Variants in ZNF407 observed in about 807,000 individuals in gnomAD.
ZNF407 encodes the protein zinc finger protein 407.
In ZNF407, 17 loss-of-function variants were observed where a neutral mutation model predicts 131.2. The observed-to-expected ratio is 0.13, with a 90% confidence interval of 0.09 to 0.19. The LOEUF is 0.19. ZNF407 is among the 10% of genes least tolerant of loss of function. The pLI is 1.00. For missense variants in ZNF407, 2,681 were observed against 2,830.6 expected (o/e 0.95, Z 1.20); for synonymous variants, 1,156 against 1,062.0 (o/e 1.09, Z -1.72).
chr18:74,992,750 TCA>T (rs141495620), intron 8 of ZNF407, among the ~76,000 whole-genome samples: 4,468 of 152,304 alleles, frequency 0.029, 244 homozygotes, highest in African/African-American at 0.1. Flanking sequence ...CATAGAAGTC[TCA>T]CAGTGATTTT....
At chr18:74,941,611 G>T (rs981764237) in intron 8 of ZNF407, among the ~76,000 whole-genome samples, 26 of 152,308 alleles carry the variant, frequency 1.7e-4, no homozygotes, top group East Asian at 7.7e-4. Flanking sequence ...AATCAGAGTT[G>T]CTGAGAATGG....
intron 4 of ZNF407, among the ~76,000 whole-genome samples, chr18:74,823,183 G>C (rs1234880715): frequency 1.3e-5 from 2 of 152,156 alleles, no homozygotes; most frequent in Admixed American, 1.3e-4. Flanking sequence ...TCACCACCAG[G>C]GCTGCCTTAC....
intron 3 of ZNF407, among the ~76,000 whole-genome samples, chr18:74,750,608 G>A (rs535161105): frequency 5.9e-5 from 9 of 152,216 alleles, no homozygotes; most frequent in South Asian, 2.1e-4. Flanking sequence ...GTATTCACCC[G>A]TTCATCATTT....
chr18:74,783,793 T>C (rs11150939), intron 4 of ZNF407, among the ~76,000 whole-genome samples: 118,094 of 152,070 alleles, frequency 0.78, 46,188 homozygotes, highest in East Asian at 0.99. Context: ...TTTAAGTACT[T>C]CAAGCAGCAA....
chr18:74,714,590 T>C (rs1410312505), intron 3 of ZNF407, among the ~76,000 whole-genome samples: 1 of 152,268 alleles, frequency 6.6e-6, no homozygotes, highest in African/African-American at 2.4e-5. Context: ...GACTAGTAAC[T>C]CTTTTACTGT....
chr18:74,676,646 G>A (rs555479066), intron 3 of ZNF407, among the ~76,000 whole-genome samples: 95 of 151,930 alleles, frequency 6.3e-4, no homozygotes, highest in South Asian at 8.3e-4. Context: ...GTGTTAGCCA[G>A]GATGGTCTCG....
At chr18:74,833,347 G>T (rs1364996070) in intron 4 of ZNF407, among the ~76,000 whole-genome samples, 1 of 152,208 alleles carries the variant, frequency 6.6e-6, no homozygotes, top group Non-Finnish European at 1.5e-5. Flanking sequence ...CACATAAACA[G>T]GTAAGCAAAT....
At chr18:74,942,664 C>T (rs190428702) in intron 8 of ZNF407, among the ~76,000 whole-genome samples, 13 of 152,302 alleles carry the variant, frequency 8.5e-5, no homozygotes, top group South Asian at 4.1e-4. Context: ...GTCCACGGGG[C>T]GGCTGGAGCC....
At chr18:74,993,283 A>G (rs1001930034) in intron 8 of ZNF407, among the ~76,000 whole-genome samples, 12 of 152,268 alleles carry the variant, frequency 7.9e-5, no homozygotes, top group African/African-American at 2.9e-4. Flanking sequence ...AGATGAATGG[A>G]CAATTCATCC....
At chr18:75,060,815 T>C (rs1326562230) in intron 8 of ZNF407, among the ~76,000 whole-genome samples, 2 of 152,366 alleles carry the variant, frequency 1.3e-5, no homozygotes, top group East Asian at 3.9e-4. Context: ...GCAGCTCTTT[T>C]CTTGACAAAA....
At chr18:74,871,838 G>A (rs145813843) in intron 4 of ZNF407, among the ~76,000 whole-genome samples, 1 of 151,378 alleles carries the variant, frequency 6.6e-6, no homozygotes, top group East Asian at 1.9e-4. Context: ...TTAACATATA[G>A]TCATATTTAT....
intron 8 of ZNF407, among the ~76,000 whole-genome samples, chr18:74,995,202 G>T (rs531926422): frequency 6.6e-6 from 1 of 152,118 alleles, no homozygotes; most frequent in African/African-American, 2.4e-5. Flanking sequence ...GACTGCAGGG[G>T]CAAGTGTGAA....
rs72977447 is a variant in ZNF407, at chr18:74,859,508, T to C, written c.4878-17689T>C. 3.2e-3 allele frequency among the ~76,000 whole-genome samples: 486 copies of C among 152,332 alleles called. 2 individuals are homozygous for C. The highest frequency in any genetic ancestry group is 6.8e-3 in the Middle Eastern group (2 of 294). ...GTGTAATGTTCAGACCTGTGTTTCA[T>C]AAAATCATTAATTTAACTCGAGATG... On this transcript the variant is annotated intron_variant, in intron 4 of 8. Transcript: ENST00000299687.
chr18:74,907,214 C>G (rs1439713736), intron 7 of ZNF407, among the ~76,000 whole-genome samples: 1 of 152,144 alleles, frequency 6.6e-6, no homozygotes, highest in African/African-American at 2.4e-5. Flanking sequence ...AGTACACACA[C>G]CAAGCTTTCT....
In ZNF407 at chr18:74,796,409, G is replaced by C. The variant is rs528788819; in HGVS notation, c.4877+14907G>C. Among the ~76,000 whole-genome samples, 105 of 152,306 alleles carry C rather than the reference G, an allele frequency of 6.9e-4. 1 individual carries two copies. Among genetic ancestry groups the C allele is most frequent in the African/African-American group, 2.4e-3 (100 of 41,570 alleles). Reference sequence around the variant, plus strand: ...CAGGTCATGATCAGTGCAAAAAGCAGGCAAATGCACTTGTTTTAATATCTA... The same window carrying C: ...CAGGTCATGATCAGTGCAAAAAGCACGCAAATGCACTTGTTTTAATATCTA... On this transcript the variant is annotated intron_variant, in intron 4 of 8. Transcript: ENST00000299687.
chr18:74,711,026 CAT>C (rs1967748491), intron 3 of ZNF407, among the ~76,000 whole-genome samples: 1 of 151,100 alleles, frequency 6.6e-6, no homozygotes, highest in East Asian at 2.0e-4. Flanking sequence ...GTCCATTCTC[CAT>C]GGATGCTATT....
chr18:74,858,973 CCT>C (rs1304827376), intron 4 of ZNF407, among the ~76,000 whole-genome samples: 1 of 151,768 alleles, frequency 6.6e-6, no homozygotes, highest in Admixed American at 6.6e-5. Flanking sequence ...ATTAATGGCC[CCT>C]GAGTACAGCG....
chr18:74,816,485 A>G (rs1970268951), intron 4 of ZNF407, among the ~76,000 whole-genome samples: 1 of 152,216 alleles, frequency 6.6e-6, no homozygotes, highest in Non-Finnish European at 1.5e-5. Flanking sequence ...GTTTCTATAA[A>G]TGCATTTAAA....
At chr18:74,726,503 A>G (rs1483721022) in intron 3 of ZNF407, among the ~76,000 whole-genome samples, 1 of 152,248 alleles carries the variant, frequency 6.6e-6, no homozygotes, top group African/African-American at 2.4e-5. Flanking sequence ...ACATAGAAAT[A>G]TGAAACAGCA....
Sources: allele counts gnomAD v4.1 joint callset (sites outside exome capture counted in the v4.1 genomes callset), GRCh38; gene constraint gnomAD v4.1.1; transcripts MANE v1.5; gene names NCBI Gene and HGNC (gene_info 2026-07-23, HGNC 2026-07-21).